The following PCDH15 variants were observed in gnomAD, a reference collection of about 807,000 sequenced individuals.
PCDH15 encodes protocadherin related 15, also known as protocadherin-15.
PCDH15 carries 129 observed loss-of-function variants against 178.5 expected under a neutral mutation model. That is an observed-to-expected ratio of 0.72 (90% CI 0.63 to 0.84). The LOEUF is 0.84. Ranked by LOEUF, PCDH15 falls within the 40% of genes least tolerant of loss-of-function variation. The probability of loss-of-function intolerance (pLI) is 0.00; values close to 1 mark genes in which losing one functional copy is unlikely to be tolerated. For synonymous variants in PCDH15, 800 were observed against 732.0 expected (o/e 1.09, Z -1.50); for missense variants, 2,230 against 2,099.9 (o/e 1.06, Z -1.21).
intron 2 of PCDH15, among the ~76,000 whole-genome samples, chr10:55,072,090 T>G (rs1460370907): frequency 2.0e-5 from 3 of 151,280 alleles, no homozygotes; most frequent in Non-Finnish European, 4.4e-5. Flanking sequence ...TGGAACACAT[T>G]CAAAACAATG....
rs577714153 is a variant in PCDH15, at chr10:54,213,292, T to A, written c.1098+644A>T. ...TCTCAATGAAGTCCATCGAAATTAATTAGAAGAATATCTGCATTTTTTCAG... is the reference window on the plus strand; with the variant it reads ...TCTCAATGAAGTCCATCGAAATTAAATAGAAGAATATCTGCATTTTTTCAG... On this transcript the variant is annotated intron_variant, in intron 10 of 37. Coordinates refer to ENST00000644397, the MANE Select transcript of PCDH15 (RefSeq NM_001384140.1). Among the ~76,000 whole-genome samples, 3 of 152,254 alleles carry A rather than the reference T, an allele frequency of 2.0e-5. No homozygotes were observed. In the South Asian group the frequency reaches 6.2e-4, roughly 32 times the overall value.
At chr10:54,743,696 T>C (rs899716038) in intron 1 of PCDH15, among the ~76,000 whole-genome samples, 46 of 152,166 alleles carry the variant, frequency 3.0e-4, no homozygotes, top group African/African-American at 9.6e-4. Context: ...AGAGGCATAG[T>C]AGCATCCTTA....
intron 26 of PCDH15, among the ~76,000 whole-genome samples, chr10:53,902,716 T>C (rs1445369749): frequency 6.6e-6 from 1 of 152,128 alleles, no homozygotes; most frequent in Non-Finnish European, 1.5e-5. Flanking sequence ...TCTTAGATAC[T>C]GCATTTTTGA....
chr10:55,074,660 T>C (rs1487933678), intron 2 of PCDH15, among the ~76,000 whole-genome samples: 1 of 152,198 alleles, frequency 6.6e-6, no homozygotes, highest in Non-Finnish European at 1.5e-5. Context: ...TCCCACTCTG[T>C]AGGTTGCCTG....
intron 5 of PCDH15, among the ~76,000 whole-genome samples, chr10:54,367,114 T>C (rs1946929228): frequency 2.6e-5 from 4 of 152,086 alleles, no homozygotes; most frequent in African/African-American, 9.7e-5. Flanking sequence ...GAGGATCTTA[T>C]TCTAGGCAAA....
At position 54,882,039 on chromosome 10, in the gene PCDH15, G is replaced by T. The variant is rs569962756; in HGVS notation, c.-29+15411C>A. Among the ~76,000 whole-genome samples, 4 of 152,058 alleles carry T rather than the reference G, an allele frequency of 2.6e-5. No homozygotes were observed. In the South Asian group the frequency reaches 8.3e-4, roughly 32 times the overall value. On this transcript the variant is annotated intron_variant, in intron 3 of 5. Transcript: ENST00000458638. The stretch of plus-strand genomic sequence containing the variant: ...ATTGTCAGAGTCCAGAAGAGTGCCT[G>T]GTTCCTAAGACTGTTCATTTGATGA...
At chr10:54,195,272 C>T (rs1198025352) in intron 11 of PCDH15, among the ~76,000 whole-genome samples, 1 of 152,136 alleles carries the variant, frequency 6.6e-6, no homozygotes, top group Non-Finnish European at 1.5e-5. Context: ...ATTTTAATAA[C>T]GATGCCCTCA....
At chr10:55,042,558 T>C (rs1022646609) in intron 2 of PCDH15, among the ~76,000 whole-genome samples, 4 of 152,178 alleles carry the variant, frequency 2.6e-5, no homozygotes, top group Admixed American at 6.6e-5. Flanking sequence ...TATTGAGGCA[T>C]GTTTTTAGTC....
intron 14 of PCDH15, among the ~76,000 whole-genome samples, chr10:54,143,878 T>C (rs900020978): frequency 6.6e-6 from 1 of 152,140 alleles, no homozygotes; most frequent in Non-Finnish European, 1.5e-5. Flanking sequence ...TTTTCTTGTA[T>C]AATGGGACAC....
chr10:55,159,452 A>T (rs1180346482), intron 2 of PCDH15, among the ~76,000 whole-genome samples: 1 of 147,920 alleles, frequency 6.8e-6, no homozygotes, highest in African/African-American at 2.5e-5. Flanking sequence ...CATACACTAT[A>T]CAAAGATCTC....
intron 2 of PCDH15, among the ~76,000 whole-genome samples, chr10:54,592,377 C>T (rs1590333598): frequency 1.4e-5 from 2 of 146,428 alleles, no homozygotes; most frequent in East Asian, 4.2e-4. Context: ...TTTCTTTTTT[C>T]AGCTTTATTG....
At chr10:54,724,249 A>G (rs527513924) in intron 1 of PCDH15, among the ~76,000 whole-genome samples, 197 of 113,814 alleles carry the variant, frequency 1.7e-3, no homozygotes, top group African/African-American at 6.1e-3. Flanking sequence ...ACTTGGATGG[A>G]ACTAGAGGTC....
intron 17 of PCDH15, among the ~76,000 whole-genome samples, chr10:54,078,067 AAAT>A (rs2094373351): frequency 6.6e-6 from 1 of 152,112 alleles, no homozygotes. Context: ...CCATCTCAAA[AAAT>A]AATAATAATA....
At chr10:54,638,710 T>C (rs558656413) in intron 2 of PCDH15, among the ~76,000 whole-genome samples, 1 of 152,034 alleles carries the variant, frequency 6.6e-6, no homozygotes. Flanking sequence ...AAAGAAATCA[T>C]TATATAAAAA....
At chr10:54,058,675 C>G (rs1427906747) in intron 18 of PCDH15, among the ~76,000 whole-genome samples, 1 of 142,892 alleles carries the variant, frequency 7.0e-6, no homozygotes, top group African/African-American at 2.6e-5. Context: ...AACATTAGAA[C>G]ATATTTCTTT....
At chr10:54,158,223 G>A (rs896053527) in intron 13 of PCDH15, among the ~76,000 whole-genome samples, 7 of 152,142 alleles carry the variant, frequency 4.6e-5, no homozygotes, top group Admixed American at 2.6e-4. Flanking sequence ...AGACATACCC[G>A]AGACTGGGCA....
chr10:54,241,529 G>T (rs2055297106), intron 8 of PCDH15, among the ~76,000 whole-genome samples: 1 of 152,146 alleles, frequency 6.6e-6, no homozygotes, highest in Non-Finnish European at 1.5e-5. Flanking sequence ...ATCAAGTCAA[G>T]AAACACAGAA....
intron 1 of PCDH15, among the ~76,000 whole-genome samples, chr10:54,673,139 G>T (rs986625257): frequency 3.9e-5 from 6 of 152,016 alleles, no homozygotes; most frequent in South Asian, 4.2e-4. Flanking sequence ...TGTTACGTGG[G>T]TATACACGTG....
intron 29 of PCDH15, among the ~76,000 whole-genome samples, chr10:53,835,275 T>G (rs1181590789): frequency 6.6e-6 from 1 of 152,212 alleles, no homozygotes; most frequent in Non-Finnish European, 1.5e-5. Flanking sequence ...TTTTTCTGCC[T>G]TCTCCATCTT....
Sources: gnomAD v4.1 joint callset for allele counts (sites outside exome capture counted in the v4.1 genomes callset) on GRCh38, gnomAD v4.1.1 for gene constraint, MANE v1.5 for transcripts, NCBI Gene and HGNC (gene_info 2026-07-23, HGNC 2026-07-21) for gene names.